Variants in CYP11A1 observed in about 807,000 individuals in gnomAD.
CYP11A1 encodes the protein cholesterol side-chain cleavage enzyme, mitochondrial.
A neutral mutation model predicts 51.9 loss-of-function variants in CYP11A1; 25 were observed. The ratio of observed to expected loss-of-function variants is 0.48; its 90% confidence interval spans 0.35 to 0.67. The LOEUF (loss-of-function observed/expected upper bound fraction) is 0.67, where lower values mean the gene tolerates loss of function less well. Among genes scored for constraint, CYP11A1 ranks in the 30% least tolerant of loss-of-function variants. CYP11A1 has a pLI of 0.00. For synonymous variants in CYP11A1, 245 were observed against 262.1 expected, an observed-to-expected ratio of 0.93 and a Z score of 0.63; for missense variants, 578 against 680.9, an observed-to-expected ratio of 0.85 and a Z score of 1.68.
At chr15:74,348,149 G>A in intron 1 of CYP11A1, 94 bp from the exon 2 acceptor site, 3 of 1,442,708 alleles carry the variant, frequency 2.1e-6, no homozygotes, top group Non-Finnish European at 2.9e-6. Flanking sequence ...ACAACTTGCT[G>A]ACTGTGGGAC....
rs1036829066 is a variant in CYP11A1 at position 74,366,236 on chromosome 15, C to A, written c.269+1081G>T. 1.6e-4 allele frequency: 158 copies of A among 983,644 alleles called. 1 individual carries two copies. The highest frequency in any genetic ancestry group is 1.9e-4 in the Non-Finnish European group (154 of 829,318). The allele number at this position is 983,644 out of a possible 1,614,324, so 60.9% of individuals were successfully genotyped here. On this transcript the variant is annotated intron_variant, in intron 1 of 8. Transcript: ENST00000268053. Reference sequence around the variant, plus strand: ...GCGCCAAACTTGACCACGCTGCGACCTTTTCACTCTGTGCTCTGACCTTCA... The same window carrying A: ...GCGCCAAACTTGACCACGCTGCGACATTTTCACTCTGTGCTCTGACCTTCA...
rs779269933 is a variant in CYP11A1, at chr15:74,343,822, G to C, written c.796C>G (p.His266Asp). ...AAAATCACGTCCCATGCAGCCACAT[G>C]GTCCTTCCAGGTCTTGGTCCTGAAC... ...RLFRTKTWKDHVAAWDVIFSK... is the reference protein window; with the variant it reads ...RLFRTKTWKDDVAAWDVIFSK... Residue 266 changes from histidine to aspartate, a missense_variant, in exon 4 of 9, where the codon CAT (histidine) becomes GAT (aspartate). Coordinates refer to ENST00000268053, the MANE Select transcript of CYP11A1 (RefSeq NM_000781.3). 1 of 1,613,074 alleles carries C rather than the reference G, an allele frequency of 6.2e-7. No homozygotes were observed. The highest frequency in any genetic ancestry group is 8.5e-7 in the Non-Finnish European group (1 of 1,180,008).
At position 74,339,622 on chromosome 15, in the gene CYP11A1, G is replaced by A. The variant is rs895672441; in HGVS notation, c.1122C>T (p.Val374=). 1 of 1,614,140 alleles carries A rather than the reference G, an allele frequency of 6.2e-7. No homozygotes were observed. ...CCTTGATGCTGGCTTTGAGGAGGGGGACCAGCTGTAGCATCGTGGCCATGT... is the reference window on the plus strand; with the variant it reads ...CCTTGATGCTGGCTTTGAGGAGGGGAACCAGCTGTAGCATCGTGGCCATGT... ...QGDMATMLQL[V]PLLKASIKET... is the part of the protein sequence containing the mutation. Residue 374 remains valine (V), a synonymous_variant, in exon 6 of 9, where the codon GTC becomes GTT. Transcript: ENST00000268053.
chr15:74,365,619 T>C, intron 1 of CYP11A1: 1 of 953,826 alleles, frequency 1.0e-6, no homozygotes, highest in Non-Finnish European at 1.2e-6. Flanking sequence ...GCCTCAGGCC[T>C]GGGAACTAGG....
intron 5 of CYP11A1, among the ~76,000 whole-genome samples, chr15:74,339,960 G>C (rs981098854): frequency 7.9e-5 from 12 of 152,190 alleles, no homozygotes; most frequent in African/African-American, 2.9e-4. Context: ...TGCCGGCCAG[G>C]CAGGAACATT....
At position 74,343,939 on chromosome 15, in the gene CYP11A1, T is replaced by A; in HGVS notation, c.679A>T (p.Asn227Tyr). The change falls in exon 4 of 9, where the codon AAC becomes TAC. Residue 227 changes from asparagine to tyrosine, a missense_variant. Coordinates refer to ENST00000268053, the MANE Select transcript of CYP11A1 (RefSeq NM_000781.3). ...TCAATGAATCGCTGGGCCTCGGGGTTCACTACTTCCTCCAGCATCCCCTGG... is the reference window on the plus strand; with the variant it reads ...TCAATGAATCGCTGGGCCTCGGGGTACACTACTTCCTCCAGCATCCCCTGG... ...ERQGMLEEVV[N>Y]PEAQRFIDAI... 6.2e-7 allele frequency: 1 copy of A among 1,614,094 alleles called. No homozygotes were observed. Among genetic ancestry groups the A allele is most frequent in the African/African-American group, 1.3e-5 (1 of 75,026 alleles).
intron 1 of CYP11A1, chr15:74,359,422 T>G (rs931347345): frequency 6.6e-6 from 1 of 152,312 alleles, no homozygotes; most frequent in Admixed American, 6.5e-5. Flanking sequence ...AGCCATCATG[T>G]CCCCTGTGAC....
intron 1 of CYP11A1, among the ~76,000 whole-genome samples, chr15:74,351,631 CCCAG>C (rs2060657026): frequency 6.6e-6 from 1 of 152,166 alleles, no homozygotes; most frequent in Admixed American, 6.5e-5. Flanking sequence ...TCCTGCGGAC[CCCAG>C]CCACTCCAAA....
At chr15:74,364,706 A>T (rs2060723888) in intron 1 of CYP11A1, 1 of 152,290 alleles carries the variant, frequency 6.6e-6, no homozygotes. Flanking sequence ...GCTTAATAAA[A>T]TAAGGAGTTG....
chr15:74,358,242 C>T (rs139878511), intron 1 of CYP11A1, among the ~76,000 whole-genome samples: 2,790 of 152,350 alleles, frequency 0.018, 45 homozygotes, highest in Middle Eastern at 0.034. Flanking sequence ...AGCTAGCATT[C>T]CAACTTCTAT....
intron 2 of CYP11A1, among the ~76,000 whole-genome samples, chr15:74,347,386 T>G (rs1432842749): frequency 6.6e-6 from 1 of 152,102 alleles, no homozygotes; most frequent in Non-Finnish European, 1.5e-5. Flanking sequence ...CCAGCCTGGA[T>G]GACACAATGA....
intron 7 of CYP11A1, 136 bp from the exon 8 acceptor site, chr15:74,338,904 G>T: frequency 1.2e-6 from 1 of 823,708 alleles, no homozygotes; most frequent in East Asian, 2.7e-5. Context: ...TCCAGGGCAG[G>T]ACATTCTGCC....
intron 1 of CYP11A1, chr15:74,362,489 G>T: frequency 6.3e-6 from 1 of 158,288 alleles, no homozygotes; most frequent in Non-Finnish European, 1.4e-5. Flanking sequence ...TGAATCTGCT[G>T]GAAACATCAG....
intron 4 of CYP11A1, 36 bp from the exon 5 acceptor site, chr15:74,343,173 C>A (rs1029543178): frequency 1.9e-6 from 3 of 1,611,372 alleles, no homozygotes; most frequent in Non-Finnish European, 1.7e-6. Flanking sequence ...GAGTGAGGTT[C>A]CCTGCAGGCG....
At chr15:74,361,919 G>A (rs984499579) in intron 1 of CYP11A1, 41 of 1,121,668 alleles carry the variant, frequency 3.7e-5, no homozygotes, top group Non-Finnish European at 5.3e-5. Flanking sequence ...AGTGGTGGAT[G>A]GCAAGCATGT....
chr15:74,364,722 GAGGGTCT>G (rs1325579908), intron 1 of CYP11A1: 1 of 152,284 alleles, frequency 6.6e-6, no homozygotes, highest in African/African-American at 2.4e-5. Flanking sequence ...AGTTGCTACT[GAGGGTCT>G]AGGAAGTGGT....
Position 74,337,837 on chromosome 15 carries a change from T to A in CYP11A1, c.*135A>T, listed in dbSNP as rs550275002. The A allele has an allele frequency of 2.6e-4, 304 of 1,191,960 alleles. No individual in the cohort carries two copies. In the African/African-American group the frequency reaches 4.3e-3, roughly 17 times the overall value. The allele number at this position is 1,191,960 out of a possible 1,614,324, so 73.8% of individuals were successfully genotyped here. ...CAGCTGAGCTGAGGAAGGTGACCACTGAGAACCCATTCAACCTGCTGAGCA... is the reference window on the plus strand; with the variant it reads ...CAGCTGAGCTGAGGAAGGTGACCACAGAGAACCCATTCAACCTGCTGAGCA... On this transcript the variant is annotated 3_prime_UTR_variant, in exon 9 of 9. Coordinates refer to ENST00000268053, the MANE Select transcript of CYP11A1 (RefSeq NM_000781.3).
rs1198789948 is a variant in CYP11A1 at position 74,364,287 on chromosome 15, A to G, written c.269+3030T>C. On this transcript the variant is annotated intron_variant, in intron 1 of 8. Transcript: ENST00000268053. ...AAGCCAGCATGAAGCAGTTACAGAA[A>G]AAAGACCATCGGTCCCTCTGCCTCC... 4 of 152,476 alleles carry G rather than the reference A, an allele frequency of 2.6e-5. No homozygotes were observed. The East Asian group carries it at 7.7e-4, about 29-fold the overall frequency. 9.4% of individuals were successfully genotyped at this position (152,476 alleles called of 1,614,324 possible). A position where few individuals can be genotyped will look rare whatever the true frequency, so the allele number is the denominator to read the frequency against.
chr15:74,365,562 C>A, intron 1 of CYP11A1: 1 of 559,738 alleles, frequency 1.8e-6, no homozygotes, highest in Non-Finnish European at 2.3e-6. Context: ...TCTCTAACCA[C>A]CTCTCTCCGA....
Sources: gnomAD v4.1 joint callset for allele counts (sites outside exome capture counted in the v4.1 genomes callset) on GRCh38, gnomAD v4.1.1 for gene constraint, MANE v1.5 for transcripts, NCBI Gene and HGNC (gene_info 2026-07-23, HGNC 2026-07-21) for gene names.